Variants in MUC4 observed in about 807,000 individuals in gnomAD.
MUC4 encodes the protein mucin 4, cell surface associated.
A neutral mutation model predicts 257.9 loss-of-function variants in MUC4; 202 were observed. The ratio of observed to expected loss-of-function variants is 0.78; its 90% confidence interval spans 0.70 to 0.88. The LOEUF (loss-of-function observed/expected upper bound fraction) is 0.88. Ranked by LOEUF, MUC4 falls within the 40% of genes least tolerant of loss-of-function variation. The pLI is 0.00. For synonymous variants in MUC4, 2,351 were observed against 2,757.1 expected, an observed-to-expected ratio of 0.85 and a Z score of 4.62; for missense variants, 5,976 against 6,513.7, an observed-to-expected ratio of 0.92 and a Z score of 2.84.
At chr3:195,770,088 G>T in intron 6 of MUC4, 128 bp downstream of exon 6, 4 of 1,004,948 alleles carry the variant, frequency 4.0e-6, no homozygotes, top group Non-Finnish European at 5.5e-6. Context: ...GGTGGCGGTG[G>T]GGGGGCTTGC....
At chr3:195,752,610 G>A (rs1290578247) in intron 20 of MUC4, 164 bp from the exon 21 acceptor site, 1 of 625,266 alleles carries the variant, frequency 1.6e-6, no homozygotes, top group Non-Finnish European at 2.9e-6. Flanking sequence ...GTGACAGAAG[G>A]TCGCTGAAGA....
rs1256329679 is a variant in MUC4 at position 195,764,111 on chromosome 3, G to A, written c.13978C>T (p.Leu4660Phe). The A allele has an allele frequency of 1.2e-6, 2 of 1,602,574 alleles. No individual in the cohort carries two copies. The highest frequency in any genetic ancestry group is 8.5e-7 in the Non-Finnish European group (1 of 1,175,154). The part of the protein sequence containing the change: ...WCCRWNDKPY[L>F]CALYQQRRPH... ...CGCCTCTGCTGGTACAGGGCACAGA[G>A]GTAGGGCTTGTCATTCCAGCGGCAG... Residue 4660 changes from leucine (L) to phenylalanine (F), a missense_variant, in exon 11 of 25, where the codon CTC becomes TTC. Around this residue, in one of 44 missense-constraint regions of MUC4, gnomAD observed 996 missense variants for 1,137.3 expected, o/e 0.88. Coordinates refer to ENST00000463781, the MANE Select transcript of MUC4 (RefSeq NM_018406.7).
chr3:195,803,468 G>A (rs867118470), intron 1 of MUC4, among the ~76,000 whole-genome samples: 3 of 152,196 alleles, frequency 2.0e-5, no homozygotes, highest in Non-Finnish European at 4.4e-5. Flanking sequence ...GAGAGCCTCC[G>A]CATCTGCGCT....
chr3:195,759,393 T>C (rs1224568575), intron 16 of MUC4, 132 bp from the exon 17 acceptor site: 1 of 1,251,294 alleles, frequency 8.0e-7, no homozygotes, highest in Non-Finnish European at 1.1e-6. Flanking sequence ...GAAGGAATTA[T>C]TCTGTGTACC....
In MUC4 at chr3:195,790,600, G is replaced by A; in HGVS notation, c.980C>T (p.Thr327Ile). ...DTTAFSKNHQTQSVETTRVSQ... is the reference protein window; with the variant it reads ...DTTAFSKNHQIQSVETTRVSQ... ...TACTCTGGTGGTCTCCACGCTCTGAGTCTGGTGGTTCTTAGAAAAAGCTGT... is the reference window on the plus strand; with the variant it reads ...TACTCTGGTGGTCTCCACGCTCTGAATCTGGTGGTTCTTAGAAAAAGCTGT... Residue 327 changes from threonine (T) to isoleucine (I), a missense_variant, in exon 2 of 25, where the codon ACT becomes ATT. By Grantham distance (89) the Thr-to-Ile change is moderately conservative. This residue lies in a region of MUC4 where 1,583 missense variants were observed against 1,257.4 expected (regional missense o/e 1.26). Transcript: ENST00000463781. The A allele has an allele frequency of 6.2e-7, 1 of 1,614,046 alleles. No homozygotes were observed. The highest frequency in any genetic ancestry group is 1.3e-5 in the African/African-American group (1 of 75,062).
Position 195,763,388 on chromosome 3 carries a change from C to T in MUC4, c.14253+45G>A. The T allele has an allele frequency of 2.9e-6, 4 of 1,394,942 alleles. No homozygotes were observed. In the South Asian group the frequency reaches 5.2e-5, roughly 18 times the overall value. 86.4% of individuals were successfully genotyped at this position (1,394,942 alleles called of 1,614,324 possible). A position where few individuals can be genotyped will look rare whatever the true frequency, so the allele number is the denominator to read the frequency against. ...TCGGCCTCAGTATGTGGCTGAAGGT[C>T]CCTGTGGGTGGAATGCAGGGAGGTT... On this transcript the variant is annotated intron_variant, in intron 12 of 24. Transcript: ENST00000463781.
Position 195,774,197 on chromosome 3 carries a change from C to T in MUC4, c.13052G>A (p.Gly4351Asp). The T allele has an allele frequency of 6.2e-7, 1 of 1,607,886 alleles. No homozygotes were observed. The change falls in exon 4 of 25, where the codon GGC becomes GAC. Residue 4351 changes from glycine to aspartate, a missense_variant. By Grantham distance (94) the Gly-to-Asp change is moderately conservative (BLOSUM62 -1). Around this residue, in one of 44 missense-constraint regions of MUC4, gnomAD observed 233 missense variants for 171.2 expected, o/e 1.36. Transcript: ENST00000463781. ...GTAGAGGGAATCACGGAGAGAGGAG[C>T]CAAGGGGGAAGCCAGTCGCCGGCTT... Reference protein sequence around the residue: ...LFKPATGFPLGSSLRDSLYFT... With the variant: ...LFKPATGFPLDSSLRDSLYFT...
intron 20 of MUC4, 51 bp downstream of exon 20, chr3:195,753,000 G>A (rs773938878): frequency 1.3e-6 from 2 of 1,507,600 alleles, no homozygotes; most frequent in South Asian, 2.5e-5. Context: ...GGGTGAGAGG[G>A]TGGGGCCCAG....
At position 195,788,734 on chromosome 3, in the gene MUC4, G is replaced by T. The variant is rs372099378; in HGVS notation, c.2846C>A (p.Ser949Tyr). 3 of 1,612,496 alleles carry T rather than the reference G, an allele frequency of 1.9e-6. No homozygotes were observed. The South Asian group carries it at 3.3e-5, about 18-fold the overall frequency. The stretch of plus-strand genomic sequence containing the variant: ...CAGAGTGTGGGTCTCGGTTTGTGGA[G>T]ATGTAAGCCCAGTGGATGTGATCGA... Reference protein sequence around the residue: ...PPSITSTGLTSPQTETHTLSP... With the variant: ...PPSITSTGLTYPQTETHTLSP... Residue 949 changes from serine (S) to tyrosine (Y), a missense_variant, in exon 2 of 25, where the codon TCT becomes TAT. Around this residue, in one of 44 missense-constraint regions of MUC4, gnomAD observed 1,583 missense variants for 1,257.4 expected, o/e 1.26. Transcript: ENST00000463781.
rs535935208 is a variant in MUC4, at chr3:195,779,122, G to T, written c.12458C>A (p.Ala4153Glu). Residue 4153 changes from alanine (A) to glutamate (E), a missense_variant, in exon 2 of 25, where the codon GCA becomes GAA. Around this residue, in one of 44 missense-constraint regions of MUC4, gnomAD observed 293 missense variants for 294.5 expected, o/e 1.00. Transcript: ENST00000463781. The part of the protein sequence containing the change: ...TPLPVTIPSS[A>E]SSGHTTSLPV... ...AAGAGAGGTGGTGTGACCTGAGGAT[G>T]CTGAGGAAGGGATGGTGACAGGAAG... The T allele has an allele frequency of 1.2e-5, 18 of 1,485,608 alleles. 1 individual carries two copies. The highest frequency in any genetic ancestry group is 6.1e-5 in the South Asian group (5 of 82,454). 92.0% of individuals were successfully genotyped at this position (1,485,608 alleles called of 1,614,324 possible). A position where few individuals can be genotyped will look rare whatever the true frequency, so the allele number is the denominator to read the frequency against.
intron 19 of MUC4, 160 bp downstream of exon 19, chr3:195,754,031 AGATTTCCCATACCTGCCTAGAT>A (rs1251818414): frequency 1.8e-5 from 14 of 786,094 alleles, no homozygotes; most frequent in Admixed American, 3.1e-5. Flanking sequence ...AGGCCTGCCT[AGATTTCCCATACCTGCCTAGAT>A]GATTTCCCAC....
Position 195,779,315 on chromosome 3 carries a change from C to G in MUC4, c.12265G>C (p.Ala4089Pro). The part of the protein sequence containing the change: ...STLPVTDASS[A>P]STGHATPLPL... ...AGAGGGGTGGCGTGACCGGTGGATG[C>G]TGAGGAAGCATCGGTGACAGGAAGA... Residue 4089 changes from alanine (A) to proline (P), a missense_variant, in exon 2 of 25, where the codon GCA becomes CCA. By Grantham distance (27) the Ala-to-Pro change is conservative. This residue lies in a region of MUC4 where 293 missense variants were observed against 294.5 expected (regional missense o/e 1.00). Coordinates refer to ENST00000463781, the MANE Select transcript of MUC4 (RefSeq NM_018406.7). 1 of 1,099,296 alleles carries G rather than the reference C, an allele frequency of 9.1e-7. No homozygotes were observed. Among genetic ancestry groups the G allele is most frequent in the Non-Finnish European group, 1.2e-6 (1 of 807,664 alleles). The allele number at this position is 1,099,296 out of a possible 1,614,324, so 68.1% of individuals were successfully genotyped here. A position where few individuals can be genotyped will look rare whatever the true frequency, so the allele number is the denominator to read the frequency against.
At chr3:195,777,615 C>A in intron 3 of MUC4, among the ~76,000 whole-genome samples, 1 of 131,496 alleles carries the variant, frequency 7.6e-6, no homozygotes, top group African/African-American at 3.6e-5. Flanking sequence ...CCTTCCACAC[C>A]CATACCTTCC....
chr3:195,797,072 G>A (rs542889395), intron 1 of MUC4, among the ~76,000 whole-genome samples: 1 of 151,990 alleles, frequency 6.6e-6, no homozygotes, highest in Non-Finnish European at 1.5e-5. Flanking sequence ...GAGAAACCCC[G>A]TCTCTGGTAA....
In MUC4 at chr3:195,774,205, G is replaced by T. The variant is rs765562947; in HGVS notation, c.13044C>A (p.Phe4348Leu). 2 of 1,608,616 alleles carry T rather than the reference G, an allele frequency of 1.2e-6. No individual in the cohort carries two copies. The highest frequency in any genetic ancestry group is 1.7e-6 in the Non-Finnish European group (2 of 1,177,808). ...AATCACGGAGAGAGGAGCCAAGGGG[G>T]AAGCCAGTCGCCGGCTTGAAGAGTG... is the stretch of plus-strand genomic sequence containing the variant. ...TSPLFKPATG[F>L]PLGSSLRDSL... Residue 4348 changes from phenylalanine to leucine, a missense_variant, in exon 4 of 25, where the codon TTC becomes TTA. Around this residue, in one of 44 missense-constraint regions of MUC4, gnomAD observed 233 missense variants for 171.2 expected, o/e 1.36. Coordinates refer to ENST00000463781, the MANE Select transcript of MUC4 (RefSeq NM_018406.7).
intron 18 of MUC4, among the ~76,000 whole-genome samples, chr3:195,754,929 T>C (rs1471761031): frequency 1.3e-5 from 2 of 148,620 alleles, no homozygotes; most frequent in Admixed American, 1.3e-4. Flanking sequence ...TGTATGCATG[T>C]ATCCATGTAT....
chr3:195,769,044 G>A lies in MUC4; in HGVS notation c.13507C>T (p.Pro4503Ser), dbSNP rs748679165. 23 of 1,613,726 alleles carry A rather than the reference G, an allele frequency of 1.4e-5. No individual in the cohort carries two copies. The highest frequency in any genetic ancestry group is 1.9e-5 in the Non-Finnish European group (23 of 1,179,862). ...TACCTAGAGAAGCCCATGAGCACCGGGTTGCCTGAGCGCTGGGCCACGTCC... is the reference window on the plus strand; with the variant it reads ...TACCTAGAGAAGCCCATGAGCACCGAGTTGCCTGAGCGCTGGGCCACGTCC... ...QWDVAQRSGN[P>S]VLMGFSSGDG... The change falls in exon 7 of 25, where the codon CCG becomes TCG. Residue 4503 changes from proline (P) to serine (S), a missense_variant. By Grantham distance (74) the Pro-to-Ser change is moderately conservative (BLOSUM62 -1). This residue lies in a region of MUC4 where 996 missense variants were observed against 1,137.3 expected (regional missense o/e 0.88). Coordinates refer to ENST00000463781, the MANE Select transcript of MUC4 (RefSeq NM_018406.7).
rs199968460 is a variant in MUC4, at chr3:195,782,635, G to C, written c.8945C>G (p.Thr2982Ser). The C allele has an allele frequency of 1.1e-6, 1 of 905,992 alleles. No individual in the cohort carries two copies. Among genetic ancestry groups the C allele is most frequent in the Non-Finnish European group, 1.6e-6 (1 of 634,250 alleles). 56.1% of individuals were successfully genotyped at this position (905,992 alleles called of 1,614,324 possible). The change falls in exon 2 of 25, where the codon ACT (threonine) becomes AGT (serine). Residue 2982 changes from threonine to serine, a missense_variant. Thr to Ser is a moderately conservative substitution (Grantham distance 58). This residue lies in a region of MUC4 where 68 missense variants were observed against 50.2 expected (regional missense o/e 1.35). Coordinates refer to ENST00000463781, the MANE Select transcript of MUC4 (RefSeq NM_018406.7). ...GHATPLPDTD[T>S]SSASTGHATL... ...GGCGTGACCTGTGGATGCTGAGGAAGTGTCGGTGTCAGGAAGAGGGGTGGC... is the reference window on the plus strand; with the variant it reads ...GGCGTGACCTGTGGATGCTGAGGAACTGTCGGTGTCAGGAAGAGGGGTGGC...
chr3:195,748,695 C>T (rs1218902615), intron 24 of MUC4, among the ~76,000 whole-genome samples: 1 of 152,288 alleles, frequency 6.6e-6, no homozygotes, highest in Non-Finnish European at 1.5e-5. Context: ...CTAAGCCCCC[C>T]TATGGCTCTT....
Sources: gnomAD v4.1 joint callset for allele counts (sites outside exome capture counted in the v4.1 genomes callset) on GRCh38, gnomAD v4.1.1 for gene constraint, gnomAD v4.1.1 regional missense constraint, MANE v1.5 for transcripts, NCBI Gene and HGNC (gene_info 2026-07-23, HGNC 2026-07-21) for gene names.